EPS8: variants seen among roughly 807,000 people sequenced by gnomAD.
EPS8 encodes epidermal growth factor receptor kinase substrate 8.
EPS8 carries 42 observed loss-of-function variants against 103.8 expected under a neutral mutation model. The observed-to-expected ratio is 0.40, with a 90% confidence interval of 0.32 to 0.52. The LOEUF (loss-of-function observed/expected upper bound fraction) is 0.52, where lower values mean the gene tolerates loss of function less well. EPS8 is among the 20% of genes least tolerant of loss of function. The probability of loss-of-function intolerance (pLI) is 0.40; values close to 1 mark genes in which losing one functional copy is unlikely to be tolerated. For synonymous variants in EPS8, 344 were observed against 344.6 expected (o/e 1.00, Z 0.02); for missense variants, 969 against 1,005.1 (o/e 0.96, Z 0.49).
rs1471920405 is a variant in EPS8 at position 15,788,753 on chromosome 12, T to A, written c.-22+408A>T. Among the ~76,000 whole-genome samples, 3 of 152,118 alleles carry A rather than the reference T, an allele frequency of 2.0e-5. No individual in the cohort carries two copies. In the East Asian group the frequency reaches 5.8e-4, roughly 29 times the overall value. Reference sequence around the variant, plus strand: ...AGAACCCCTCCCCATTTGAGGCGGGTTGGCAGAGCAGCGCACAAATCCCAA... The same window carrying A: ...AGAACCCCTCCCCATTTGAGGCGGGATGGCAGAGCAGCGCACAAATCCCAA... On this transcript the variant is annotated intron_variant, in intron 1 of 20. Coordinates refer to ENST00000281172, the MANE Select transcript of EPS8 (RefSeq NM_004447.6).
Position 15,717,725 on chromosome 12 carries a change from A to C in EPS8, c.-21-34753T>G, listed in dbSNP as rs1461119373. ...GTGAGACCATACTTAAATTAAGTGTATAGATGGCATTAGTAGTCTAAGTTA... is the reference window on the plus strand; with the variant it reads ...GTGAGACCATACTTAAATTAAGTGTCTAGATGGCATTAGTAGTCTAAGTTA... On this transcript the variant is annotated intron_variant, in intron 1 of 20. Transcript: ENST00000281172. The surrounding 1 kb of genome is among the most constrained non-coding windows in gnomAD (Gnocchi z 4.3). Among the ~76,000 whole-genome samples the C allele has an allele frequency of 6.6e-6, 1 of 152,260 alleles. No homozygotes were observed. Among genetic ancestry groups the C allele is most frequent in the African/African-American group, 2.4e-5 (1 of 41,478 alleles).
intron 1 of EPS8, among the ~76,000 whole-genome samples, chr12:15,756,687 T>G (rs1284950250): frequency 6.6e-6 from 1 of 152,188 alleles, no homozygotes; most frequent in Admixed American, 6.5e-5. Flanking sequence ...CCTGACAGCC[T>G]TCACTTCACA....
chr12:15,712,065 A>T (rs1464858703), intron 1 of EPS8, among the ~76,000 whole-genome samples: 1 of 152,222 alleles, frequency 6.6e-6, no homozygotes, highest in Non-Finnish European at 1.5e-5. Flanking sequence ...TAATAAATCA[A>T]TAAGAACTAC....
chr12:15,640,574 T>C, intron 17 of EPS8, 129 bp downstream of exon 17: 1 of 697,196 alleles, frequency 1.4e-6, no homozygotes, highest in Non-Finnish European at 2.2e-6. Context: ...CCCCACCAAT[T>C]ACTCTAGAAA....
intron 10 of EPS8, 72 bp downstream of exon 10, chr12:15,660,542 G>A: frequency 2.5e-6 from 2 of 803,026 alleles, no homozygotes; most frequent in South Asian, 2.8e-5. Context: ...GGGATTACAG[G>A]TGTGAGCCAC....
intron 10 of EPS8, among the ~76,000 whole-genome samples, chr12:15,660,033 A>ATAAC (rs2135813500): frequency 6.6e-6 from 1 of 152,316 alleles, no homozygotes; most frequent in Non-Finnish European, 1.5e-5. Context: ...TACAATAACT[A>ATAAC]ATGAAAACTA....
chr12:15,670,992 T>C (rs1455720972), intron 3 of EPS8, 69 bp from the exon 4 acceptor site: 1 of 1,131,892 alleles, frequency 8.8e-7, no homozygotes, highest in Non-Finnish European at 1.3e-6. Flanking sequence ...TGGTATCATG[T>C]GGCTATCTCT....
chr12:15,674,918 G>A (rs1041150894), intron 3 of EPS8, among the ~76,000 whole-genome samples: 2 of 152,116 alleles, frequency 1.3e-5, no homozygotes, highest in Non-Finnish European at 2.9e-5. Context: ...GGGCAAAAGA[G>A]AAACAGGTTT....
chr12:15,776,988 T>G lies in EPS8; in HGVS notation c.-22+12173A>C, dbSNP rs1947212703. On this transcript the variant is annotated intron_variant, in intron 1 of 20. Coordinates refer to ENST00000281172, the MANE Select transcript of EPS8 (RefSeq NM_004447.6). This position sits in a 1 kb window ranked among gnomAD's most constrained non-coding sequence, Gnocchi z 4.2. ...GATTAAATTATCCCATATTTTTAGG[T>G]CTTTTATCCTGTAGTCCAATGAGAG... 6.6e-6 allele frequency among the ~76,000 whole-genome samples: 1 copy of G among 152,204 alleles called. No homozygotes were observed. Among genetic ancestry groups the G allele is most frequent in the South Asian group, 2.1e-4 (1 of 4,832 alleles).
chr12:15,782,297 A>G (rs1256134673), intron 1 of EPS8, among the ~76,000 whole-genome samples: 1 of 152,136 alleles, frequency 6.6e-6, no homozygotes, highest in Non-Finnish European at 1.5e-5. Flanking sequence ...GTTCAAAACC[A>G]TCCTGGACAA....
chr12:15,623,315 T>C lies in EPS8; in HGVS notation c.2226-28A>G, dbSNP rs1016214989. ...AAAAAAAAAAAAAGGAAAAAGAAAC[T>C]GAGCATTAAAAATATTGCCTACAAA... On this transcript the variant is annotated intron_variant, in intron 19 of 20. Transcript: ENST00000281172. The C allele has an allele frequency of 4.5e-6, 7 of 1,562,950 alleles. No individual in the cohort carries two copies. The African/African-American group carries it at 9.8e-5, about 22-fold the overall frequency.
chr12:15,628,531 C>A (rs750172542), intron 18 of EPS8, among the ~76,000 whole-genome samples: 23 of 152,174 alleles, frequency 1.5e-4, no homozygotes, highest in Non-Finnish European at 2.4e-4. Flanking sequence ...AAATACAAAG[C>A]AACTAAAGTT....
intron 1 of EPS8, among the ~76,000 whole-genome samples, chr12:15,699,632 C>T (rs2970188): frequency 0.93 from 142,118 of 152,290 alleles, 67,129 homozygotes; most frequent in East Asian, 1. Context: ...ACACATACAA[C>T]TTTAGTGTAC....
chr12:15,652,840 GAA>G (rs1000347902), intron 13 of EPS8, among the ~76,000 whole-genome samples: 1 of 151,780 alleles, frequency 6.6e-6, no homozygotes, highest in Non-Finnish European at 1.5e-5. Flanking sequence ...GAAAAATGGA[GAA>G]AAAAAATTAT....
At chr12:15,730,658 A>G (rs7298468) in intron 1 of EPS8, among the ~76,000 whole-genome samples, 6,636 of 152,208 alleles carry the variant, frequency 0.044, 484 homozygotes, top group African/African-American at 0.15. Flanking sequence ...TGACTACTCA[A>G]TCTTCTCTGT....
At chr12:15,670,304 T>A (rs1167266282) in intron 4 of EPS8, among the ~76,000 whole-genome samples, 3 of 152,110 alleles carry the variant, frequency 2.0e-5, no homozygotes, top group African/African-American at 7.2e-5. Flanking sequence ...CTAAAACCAC[T>A]TACTGAAACA....
rs1020117397 is a variant in EPS8 at position 15,713,682 on chromosome 12, G to A, written c.-21-30710C>T. On this transcript the variant is annotated intron_variant, in intron 1 of 20. Coordinates refer to ENST00000281172, the MANE Select transcript of EPS8 (RefSeq NM_004447.6). The surrounding 1 kb of genome is among the most constrained non-coding windows in gnomAD (Gnocchi z 4.8). ...ACAGAAGGGGAGGCCCTGGGCACAC[G>A]AGGTATAAAGTTGGTACTGAGATTC... Among the ~76,000 whole-genome samples, 1 of 152,194 alleles carries A rather than the reference G, an allele frequency of 6.6e-6. No individual in the cohort carries two copies. Among genetic ancestry groups the A allele is most frequent in the Non-Finnish European group, 1.5e-5 (1 of 68,034 alleles).
chr12:15,701,098 T>C lies in EPS8; in HGVS notation c.-21-18126A>G, dbSNP rs142230886. ...CTTCAATCTGCTAAATTAACTAATA[T>C]CTTTGGCTTCAAAATAGTCACTTTT... On this transcript the variant is annotated intron_variant, in intron 1 of 20. Coordinates refer to ENST00000281172, the MANE Select transcript of EPS8 (RefSeq NM_004447.6). This position sits in a 1 kb window ranked among gnomAD's most constrained non-coding sequence, Gnocchi z 5.1. Among the ~76,000 whole-genome samples, 86 of 152,312 alleles carry C rather than the reference T, an allele frequency of 5.6e-4. 1 individual carries two copies. The East Asian group carries it at 0.016, about 28-fold the overall frequency.
Position 15,785,926 on chromosome 12 carries a change from T to G in EPS8, c.-22+3235A>C, listed in dbSNP as rs1947306595. ...AGATAGATTTTATATTTATATAATA[T>G]ATATATATCCATGAGTCCAGAACAA... On this transcript the variant is annotated intron_variant, in intron 1 of 20. Coordinates refer to ENST00000281172, the MANE Select transcript of EPS8 (RefSeq NM_004447.6). This position sits in a 1 kb window ranked among gnomAD's most constrained non-coding sequence, Gnocchi z 4.9. Among the ~76,000 whole-genome samples, 1 of 151,662 alleles carries G rather than the reference T, an allele frequency of 6.6e-6. No individual in the cohort carries two copies. Among genetic ancestry groups the G allele is most frequent in the Admixed American group, 6.6e-5 (1 of 15,210 alleles).
Sources: allele counts gnomAD v4.1 joint callset (sites outside exome capture counted in the v4.1 genomes callset), GRCh38; gene constraint gnomAD v4.1.1; non-coding constraint Gnocchi (gnomAD v3.1); transcripts MANE v1.5; gene names NCBI Gene and HGNC (gene_info 2026-07-23, HGNC 2026-07-21).